The following HHAT variants were observed in gnomAD, a reference collection of about 807,000 sequenced individuals.
The protein encoded by HHAT is hedgehog acyltransferase, also known as protein-cysteine N-palmitoyltransferase HHAT.
A neutral mutation model predicts 70.8 loss-of-function variants in HHAT; 47 were observed. The ratio of observed to expected loss-of-function variants is 0.66; its 90% CI spans 0.53 to 0.85. The LOEUF is 0.85. Ranked by LOEUF, HHAT falls within the 40% of genes least tolerant of loss-of-function variation. The pLI is 0.00. For synonymous variants in HHAT, 228 were observed against 247.6 expected (o/e 0.92, Z 0.74); for missense variants, 609 against 604.8 (o/e 1.01, Z -0.07).
chr1:210,560,843 A>C (rs1003412835), intron 9 of HHAT, among the ~76,000 whole-genome samples: 9 of 148,904 alleles, frequency 6.0e-5, no homozygotes, highest in Non-Finnish European at 1.2e-4. Context: ...AAAAAAAAAA[A>C]AAAAAAAACC....
intron 7 of HHAT, among the ~76,000 whole-genome samples, chr1:210,427,513 G>A (rs1469274708): frequency 6.6e-6 from 1 of 151,896 alleles, no homozygotes; most frequent in Non-Finnish European, 1.5e-5. Flanking sequence ...TTTTTATTCT[G>A]GTTAGTTTGA....
intron 9 of HHAT, among the ~76,000 whole-genome samples, chr1:210,550,032 C>G (rs2095515477): frequency 6.7e-6 from 1 of 149,156 alleles, no homozygotes; most frequent in African/African-American, 2.5e-5. Flanking sequence ...CCTCCCCAGG[C>G]ACTGTGCCGA....
At chr1:210,355,991 G>A (rs1414861770) in intron 2 of HHAT, among the ~76,000 whole-genome samples, 2 of 151,956 alleles carry the variant, frequency 1.3e-5, no homozygotes, top group Admixed American at 6.6e-5. Flanking sequence ...GTCCTAGCTC[G>A]CTGCAAACTC....
chr1:210,656,161 C>CA (rs1676365842), intron 11 of HHAT, among the ~76,000 whole-genome samples: 1 of 152,194 alleles, frequency 6.6e-6, no homozygotes, highest in Non-Finnish European at 1.5e-5. Context: ...GTGACATAGA[C>CA]TAAGTCCATT....
chr1:210,658,353 T>G (rs945678343), intron 11 of HHAT, among the ~76,000 whole-genome samples: 3 of 152,166 alleles, frequency 2.0e-5, no homozygotes, highest in African/African-American at 7.2e-5. Flanking sequence ...AAGTAGACTT[T>G]TATATATTTG....
At chr1:210,507,097 A>C (rs867437954) in intron 8 of HHAT, among the ~76,000 whole-genome samples, 1 of 152,306 alleles carries the variant, frequency 6.6e-6, no homozygotes, top group African/African-American at 2.4e-5. Flanking sequence ...GAAAAAGCAC[A>C]GACATTGGTG....
At chr1:210,580,154 T>C (rs1259275239) in intron 9 of HHAT, among the ~76,000 whole-genome samples, 1 of 152,188 alleles carries the variant, frequency 6.6e-6, no homozygotes, top group East Asian at 1.9e-4. Context: ...CAGCATCTTT[T>C]AGTAAAGGAG....
At position 210,344,940 on chromosome 1, in the gene HHAT, A is replaced by G. The variant is rs570554075; in HGVS notation, c.-43-3993A>G. Among the ~76,000 whole-genome samples, 210 of 152,200 alleles carry G rather than the reference A, an allele frequency of 1.4e-3. 1 individual carries two copies. Among genetic ancestry groups the G allele is most frequent in the Middle Eastern group, 3.4e-3 (1 of 294 alleles). On this transcript the variant is annotated intron_variant, in intron 1 of 11. Transcript: ENST00000261458. ...ATCGGAACAAGTCATGCCGGCCTGC[A>G]CTGCCTCACCCCATGCCGCAACTTG... is the stretch of plus-strand genomic sequence containing the variant.
intron 9 of HHAT, among the ~76,000 whole-genome samples, chr1:210,517,520 G>A (rs1432213823): frequency 6.6e-6 from 1 of 152,156 alleles, no homozygotes; most frequent in Non-Finnish European, 1.5e-5. Flanking sequence ...TGAACTCATG[G>A]AAACAGTAGA....
In HHAT at chr1:210,386,230, C is replaced by CTTTCTTTCTTTTTTTTTTTT. The variant is rs1324452281; in HGVS notation, c.160-1235_160-1234insCTTTCTTTTTTTTTTTTTTT. 4.3e-5 allele frequency among the ~76,000 whole-genome samples: 3 copies of CTTTCTTTCTTTTTTTTTTTT among 69,926 alleles called. 1 individual carries two copies. The South Asian group carries it at 1.9e-3, about 44-fold the overall frequency. 45.9% of individuals were successfully genotyped at this position (69,926 alleles called of 152,430 possible). ...ATTGCAGGAGTCCTTTTCTTTTTTT[C>CTTTCTTTCTTTTTTTTTTTT]TTTTTTTTTTTTTTTTTTTTTTTTT... On this transcript the variant is annotated intron_variant, in intron 3 of 11. Transcript: ENST00000261458.
At chr1:210,604,708 A>G (rs1665029190) in intron 10 of HHAT, among the ~76,000 whole-genome samples, 1 of 152,122 alleles carries the variant, frequency 6.6e-6, no homozygotes, top group Non-Finnish European at 1.5e-5. Flanking sequence ...CTGATCCTGG[A>G]TGCTTGATTT....
chr1:210,510,718 T>C (rs1326732912), intron 8 of HHAT, among the ~76,000 whole-genome samples: 1 of 152,228 alleles, frequency 6.6e-6, no homozygotes, highest in East Asian at 1.9e-4. Flanking sequence ...GCTCTGGGCA[T>C]ACCAGTACCT....
chr1:210,350,356 T>A (rs1018026927), intron 2 of HHAT, among the ~76,000 whole-genome samples: 2 of 152,358 alleles, frequency 1.3e-5, no homozygotes, highest in Non-Finnish European at 2.9e-5. Flanking sequence ...ATCTATAGAT[T>A]AAGTTGGGAA....
At chr1:210,543,269 G>A (rs997240824) in intron 9 of HHAT, among the ~76,000 whole-genome samples, 1 of 151,962 alleles carries the variant, frequency 6.6e-6, no homozygotes, top group Non-Finnish European at 1.5e-5. Context: ...TTCATCAGTA[G>A]GATGGTTTGG....
At chr1:210,650,192 G>A (rs905957311) in intron 11 of HHAT, among the ~76,000 whole-genome samples, 1 of 152,220 alleles carries the variant, frequency 6.6e-6, no homozygotes, top group Non-Finnish European at 1.5e-5. Context: ...TGAATAAATA[G>A]AGAATCAGAT....
intron 8 of HHAT, among the ~76,000 whole-genome samples, chr1:210,478,535 T>G (rs965109856): frequency 2.6e-5 from 4 of 152,176 alleles, no homozygotes; most frequent in African/African-American, 9.7e-5. Flanking sequence ...AGAAAATCTT[T>G]AGCAGCCTAA....
intron 6 of HHAT, among the ~76,000 whole-genome samples, chr1:210,406,974 G>A (rs2092356019): frequency 2.0e-5 from 3 of 152,188 alleles, no homozygotes; most frequent in South Asian, 4.2e-4. Context: ...ACTTGAAAGG[G>A]CAAATTAAAA....
chr1:210,377,011 G>T (rs2090279055), intron 3 of HHAT, among the ~76,000 whole-genome samples: 1 of 152,228 alleles, frequency 6.6e-6, no homozygotes, highest in Non-Finnish European at 1.5e-5. Context: ...CTGCAGAGAT[G>T]TTCTGTACAA....
chr1:210,329,071 C>T lies in HHAT; in HGVS notation c.-77C>T. The T allele has an allele frequency of 7.0e-7, 1 of 1,428,208 alleles. No individual in the cohort carries two copies. Among genetic ancestry groups the T allele is most frequent in the Non-Finnish European group, 9.2e-7 (1 of 1,090,654 alleles). 88.5% of individuals were successfully genotyped at this position (1,428,208 alleles called of 1,614,324 possible). On this transcript the variant is annotated 5_prime_UTR_variant, in exon 1 of 12. The change creates a new upstream start codon in the 5' untranslated region. Coordinates refer to ENST00000261458, the MANE Select transcript of HHAT (RefSeq NM_018194.6). ...GTTGGGAACTCGCGGCGCGCGTGAA[C>T]GTTGCCGTCGCCGCCGCCCGGGACA...
Sources: gnomAD v4.1 joint callset for allele counts (sites outside exome capture counted in the v4.1 genomes callset) on GRCh38, gnomAD v4.1.1 for gene constraint, MANE v1.5 for transcripts, NCBI Gene and HGNC (gene_info 2026-07-23, HGNC 2026-07-21) for gene names.